Variants in GALNT17 observed in about 807,000 individuals in gnomAD.
GALNT17 encodes the protein UDP-GalNAc:polypeptide N-acetylgalactosaminyltransferase-like 3.
Under a neutral mutation model 63.7 loss-of-function variants are expected in GALNT17, and 29 were observed. The observed-to-expected ratio is 0.46, with a 90% CI of 0.34 to 0.62. GALNT17 has a LOEUF of 0.62. GALNT17 is among the 20% of genes least tolerant of loss of function. The pLI, the probability that GALNT17 is intolerant of heterozygous loss-of-function variation, is 0.01. For synonymous variants in GALNT17, 305 were observed against 318.3 expected (o/e 0.96, Z 0.45); for missense variants, 603 against 799.6 (o/e 0.75, Z 2.97).
intron 9 of GALNT17, among the ~76,000 whole-genome samples, chr7:71,707,714 T>A (rs1791740552): frequency 6.6e-6 from 1 of 152,152 alleles, no homozygotes; most frequent in East Asian, 1.9e-4. Flanking sequence ...TAACTGGTGG[T>A]TAACTAGCAA....
intron 1 of GALNT17, among the ~76,000 whole-genome samples, chr7:71,212,053 G>A (rs572289384): frequency 2.6e-5 from 4 of 152,294 alleles, no homozygotes; most frequent in East Asian, 3.9e-4. Flanking sequence ...AGACCATGGG[G>A]AAAATGTCTC....
intron 6 of GALNT17, among the ~76,000 whole-genome samples, chr7:71,612,223 C>G (rs927341893): frequency 2.0e-5 from 3 of 152,008 alleles, no homozygotes; most frequent in Non-Finnish European, 1.5e-5. Context: ...GACATTGACC[C>G]GAATGCTTTG....
At chr7:71,639,155 G>C (rs1790569851) in intron 6 of GALNT17, among the ~76,000 whole-genome samples, 1 of 151,958 alleles carries the variant, frequency 6.6e-6, no homozygotes, top group Non-Finnish European at 1.5e-5. Flanking sequence ...CTCCATGATG[G>C]GATTATTATG....
chr7:71,458,295 CT>C (rs1348045067), intron 5 of GALNT17, among the ~76,000 whole-genome samples: 1 of 152,152 alleles, frequency 6.6e-6, no homozygotes, highest in Non-Finnish European at 1.5e-5. Context: ...TCTCACCCCC[CT>C]TGCAGGATGT....
chr7:71,602,258 A>G (rs576481059), intron 6 of GALNT17, among the ~76,000 whole-genome samples: 2 of 152,332 alleles, frequency 1.3e-5, no homozygotes, highest in East Asian at 1.9e-4. Context: ...CCATCTTTTG[A>G]CAAATATTGC....
At chr7:71,648,388 AG>A (rs1200866436) in intron 6 of GALNT17, among the ~76,000 whole-genome samples, 1 of 151,774 alleles carries the variant, frequency 6.6e-6, no homozygotes, top group African/African-American at 2.4e-5. Flanking sequence ...CTCCCGCGTC[AG>A]CCTCCTGAGT....
At chr7:71,362,082 G>T (rs1314963211) in intron 2 of GALNT17, among the ~76,000 whole-genome samples, 3 of 151,936 alleles carry the variant, frequency 2.0e-5, no homozygotes, top group African/African-American at 7.3e-5. Flanking sequence ...TCAGCCTCCC[G>T]AGTGGCTAGG....
At position 71,132,789 on chromosome 7, in the gene GALNT17, G is replaced by A. The variant is rs754026167; in HGVS notation, c.-14G>A. The A allele has an allele frequency of 2.5e-6, 4 of 1,582,868 alleles. No individual in the cohort carries two copies. The African/African-American group carries it at 5.4e-5, about 21-fold the overall frequency. On this transcript the variant is annotated 5_prime_UTR_variant, in exon 1 of 11. Coordinates refer to ENST00000333538, the MANE Select transcript of GALNT17 (RefSeq NM_022479.3). Reference sequence around the variant, plus strand: ...GGGGCGCAGGTCCGGGGCGAGGGCCGGCCGGGCTGTTTGATGGCTTCACTG... The same window carrying A: ...GGGGCGCAGGTCCGGGGCGAGGGCCAGCCGGGCTGTTTGATGGCTTCACTG...
At chr7:71,429,005 GA>G (rs1197923494) in intron 5 of GALNT17, among the ~76,000 whole-genome samples, 1 of 152,184 alleles carries the variant, frequency 6.6e-6, no homozygotes, top group Non-Finnish European at 1.5e-5. Flanking sequence ...TTGCTTCTGG[GA>G]AACCCTCCTG....
At chr7:71,540,444 G>A (rs996382630) in intron 5 of GALNT17, among the ~76,000 whole-genome samples, 9 of 151,864 alleles carry the variant, frequency 5.9e-5, no homozygotes, top group Non-Finnish European at 8.8e-5. Context: ...ACAGTTAAAT[G>A]TCATTTCGTT....
intron 6 of GALNT17, among the ~76,000 whole-genome samples, chr7:71,641,615 A>G (rs996512446): frequency 1.1e-4 from 16 of 152,048 alleles, no homozygotes; most frequent in Admixed American, 1.3e-4. Context: ...CCTATTCACA[A>G]GAGCTCCACT....
intron 5 of GALNT17, among the ~76,000 whole-genome samples, chr7:71,436,260 A>G (rs1786961911): frequency 1.3e-5 from 2 of 152,106 alleles, no homozygotes; most frequent in South Asian, 4.2e-4. Context: ...AGGATTGCTT[A>G]AGCTCAAGAG....
At chr7:71,366,365 G>A (rs1217408122) in intron 2 of GALNT17, among the ~76,000 whole-genome samples, 4 of 152,070 alleles carry the variant, frequency 2.6e-5, no homozygotes, top group African/African-American at 4.8e-5. Flanking sequence ...AGTGGATCAC[G>A]AAGTCAAGAG....
At chr7:71,427,715 C>T (rs1267581956) in intron 5 of GALNT17, among the ~76,000 whole-genome samples, 1 of 152,006 alleles carries the variant, frequency 6.6e-6, no homozygotes, top group South Asian at 2.1e-4. Context: ...AACTGAGCCT[C>T]ACAGCAGGAG....
rs78504587 is a variant in GALNT17, at chr7:71,508,279, G to A, written c.963-63006G>A. Among the ~76,000 whole-genome samples, 228 of 152,282 alleles carry A rather than the reference G, an allele frequency of 1.5e-3. 1 individual carries two copies. Among genetic ancestry groups the A allele is most frequent in the African/African-American group, 5.0e-3 (208 of 41,562 alleles). ...ACATTGATCAGCATATTTTTAAAAA[G>A]GTTTCCATGTCTGTTGCAATTACGT... On this transcript the variant is annotated intron_variant, in intron 5 of 10. Transcript: ENST00000333538.
At chr7:71,420,851 G>C (rs1339489696) in intron 4 of GALNT17, 57 bp from the exon 5 acceptor site, 5 of 1,591,396 alleles carry the variant, frequency 3.1e-6, no homozygotes, top group Non-Finnish European at 4.3e-6. Context: ...TGTGGTCTTG[G>C]GAGGTGTGCC....
At chr7:71,335,095 C>T (rs927060391) in intron 1 of GALNT17, among the ~76,000 whole-genome samples, 1 of 152,100 alleles carries the variant, frequency 6.6e-6, no homozygotes, top group African/African-American at 2.4e-5. Context: ...CCCATCTCAT[C>T]CCAGTCCCCA....
At chr7:71,515,519 C>T (rs1015351387) in intron 5 of GALNT17, among the ~76,000 whole-genome samples, 17 of 152,150 alleles carry the variant, frequency 1.1e-4, no homozygotes, top group Admixed American at 2.6e-4. Context: ...TAGTGTCTTT[C>T]GAGGTTGGGC....
At chr7:71,627,768 G>T (rs774178319) in intron 6 of GALNT17, among the ~76,000 whole-genome samples, 1 of 152,060 alleles carries the variant, frequency 6.6e-6, no homozygotes, top group Non-Finnish European at 1.5e-5. Context: ...ATATTGCAAC[G>T]CTCCGACTCA....
Sources: gnomAD v4.1 joint callset for allele counts (sites outside exome capture counted in the v4.1 genomes callset) on GRCh38, gnomAD v4.1.1 for gene constraint, MANE v1.5 for transcripts, NCBI Gene and HGNC (gene_info 2026-07-23, HGNC 2026-07-21) for gene names.